The following RBL1 variants were observed in gnomAD, a reference collection of about 807,000 sequenced individuals.
RBL1 encodes RB transcriptional corepressor like 1, also known as retinoblastoma-like protein 1.
In RBL1, 82 loss-of-function variants were observed where a neutral mutation model predicts 123.0. That is an observed-to-expected ratio of 0.67 (90% CI 0.56 to 0.80). The LOEUF is 0.80. Ranked by LOEUF, RBL1 falls within the 30% of genes least tolerant of loss-of-function variation. The pLI is 0.00. For synonymous variants in RBL1, 405 were observed against 441.3 expected (o/e 0.92, Z 1.03); for missense variants, 1,171 against 1,299.6 (o/e 0.90, Z 1.52).
chr20:37,014,224 C>T (rs954365772), intron 19 of RBL1, among the ~76,000 whole-genome samples: 1 of 151,930 alleles, frequency 6.6e-6, no homozygotes, highest in Non-Finnish European at 1.5e-5. Flanking sequence ...ACTACAGAAG[C>T]CCACCACCAT....
intron 13 of RBL1, 70 bp downstream of exon 13, chr20:37,044,016 A>G: frequency 8.3e-7 from 1 of 1,201,162 alleles, no homozygotes; most frequent in Non-Finnish European, 1.2e-6. Flanking sequence ...TATAGGAATT[A>G]TCTCTCAATA....
At chr20:37,076,712 A>G (rs1422124645) in intron 2 of RBL1, among the ~76,000 whole-genome samples, 1 of 152,226 alleles carries the variant, frequency 6.6e-6, no homozygotes, top group African/African-American at 2.4e-5. Context: ...TACCTACAAT[A>G]TTCTGCACCT....
At chr20:37,094,974 C>A (rs2065706544) in intron 1 of RBL1, among the ~76,000 whole-genome samples, 1 of 152,182 alleles carries the variant, frequency 6.6e-6, no homozygotes, top group Non-Finnish European at 1.5e-5. Context: ...GGCAAGACAA[C>A]CTTCTGAGCC....
At chr20:37,036,089 A>C (rs1208177204) in intron 14 of RBL1, among the ~76,000 whole-genome samples, 1 of 152,106 alleles carries the variant, frequency 6.6e-6, no homozygotes, top group Non-Finnish European at 1.5e-5. Flanking sequence ...AAAATAAAGT[A>C]AGGATTATGG....
intron 14 of RBL1, among the ~76,000 whole-genome samples, chr20:37,036,697 C>T (rs1281057533): frequency 4.1e-5 from 6 of 146,532 alleles, no homozygotes; most frequent in African/African-American, 1.3e-4. Flanking sequence ...ATGATCTCAG[C>T]TCACTGCAAG....
chr20:37,075,648 G>T (rs1354155312), intron 2 of RBL1, among the ~76,000 whole-genome samples: 1 of 152,074 alleles, frequency 6.6e-6, no homozygotes, highest in Non-Finnish European at 1.5e-5. Context: ...TAGAGATGGG[G>T]TTTTGCCATG....
At chr20:37,003,496 T>C in intron 21 of RBL1, 1 of 1,034,000 alleles carries the variant, frequency 9.7e-7, no homozygotes, top group Non-Finnish European at 1.2e-6. Context: ...CAAAGTGAAC[T>C]CCACAAATAC....
rs1394327458 is a variant in RBL1, at chr20:37,010,133, G to A, written c.2723-2574C>T. Among the ~76,000 whole-genome samples, 3 of 151,968 alleles carry A rather than the reference G, an allele frequency of 2.0e-5. No individual in the cohort carries two copies. In the South Asian group the frequency reaches 6.2e-4, roughly 32 times the overall value. On this transcript the variant is annotated intron_variant, in intron 19 of 21. Coordinates refer to ENST00000373664, the MANE Select transcript of RBL1 (RefSeq NM_002895.5). ...AGCACTTTGGGAGGCTGAGGTGGGA[G>A]GATCACTTGAGCCCAAGAGTTCAAG...
intron 11 of RBL1, among the ~76,000 whole-genome samples, chr20:37,054,620 A>C (rs1451585352): frequency 6.6e-6 from 1 of 152,146 alleles, no homozygotes; most frequent in Admixed American, 6.6e-5. Flanking sequence ...ACTTGAGGTC[A>C]GGAGCTCGAG....
intron 12 of RBL1, among the ~76,000 whole-genome samples, chr20:37,044,772 C>A (rs897722044): frequency 6.6e-6 from 1 of 152,132 alleles, no homozygotes; most frequent in Non-Finnish European, 1.5e-5. Context: ...CTGTTTTTCA[C>A]GTTTTATATT....
At position 37,061,148 on chromosome 20, in the gene RBL1, G is replaced by C; in HGVS notation, c.1205C>G (p.Ala402Gly). The C allele has an allele frequency of 1.2e-6, 2 of 1,613,168 alleles. No individual in the cohort carries two copies. The highest frequency in any genetic ancestry group is 8.5e-7 in the Non-Finnish European group (1 of 1,179,472). The part of the protein sequence containing the change: ...QSVSRLQSIV[A>G]GLKNAPSDQL... ...GTCACTTGGTGCATTTTTCAGACCA[G>C]CCACAATACTCTGTAACCGGCTCAC... is the stretch of plus-strand genomic sequence containing the variant. The change falls in exon 9 of 22, where the codon GCT becomes GGT. Residue 402 changes from alanine to glycine, a missense_variant. Physicochemically the swap from Ala to Gly is moderately conservative, Grantham distance 60. Coordinates refer to ENST00000373664, the MANE Select transcript of RBL1 (RefSeq NM_002895.5).
intron 16 of RBL1, among the ~76,000 whole-genome samples, chr20:37,024,663 G>A (rs1188924609): frequency 1.3e-5 from 2 of 152,096 alleles, no homozygotes; most frequent in African/African-American, 4.8e-5. Flanking sequence ...CTATGAGCAG[G>A]TTATAATTAA....
chr20:37,081,047 T>TTACTTA (rs2065440834), intron 2 of RBL1, among the ~76,000 whole-genome samples: 1 of 152,160 alleles, frequency 6.6e-6, no homozygotes, highest in South Asian at 2.1e-4. Context: ...GTGACATCTT[T>TTACTTA]TACTTACTGC....
intron 9 of RBL1, among the ~76,000 whole-genome samples, chr20:37,056,472 A>G (rs2065009449): frequency 6.7e-6 from 1 of 150,122 alleles, no homozygotes; most frequent in Non-Finnish European, 1.5e-5. Context: ...CTCCTGTCTC[A>G]ACCTCCCAAG....
In RBL1 at chr20:36,998,841, G is replaced by A. The variant is rs771721236; in HGVS notation, c.3125C>T (p.Pro1042Leu). ...ATTTTCTTGACAGACGCGTTTGGCA[G>A]GGGATTCTGCATCACTATCGATGGC... ...VIAIDSDAES[P>L]AKRVCQENDD... is the part of the protein sequence containing the mutation. The change falls in exon 22 of 22, where the codon CCT becomes CTT. Residue 1042 changes from proline (P) to leucine (L), a missense_variant. Coordinates refer to ENST00000373664, the MANE Select transcript of RBL1 (RefSeq NM_002895.5). The A allele has an allele frequency of 8.1e-6, 13 of 1,613,336 alleles. No individual in the cohort carries two copies. Among genetic ancestry groups the A allele is most frequent in the Non-Finnish European group, 1.0e-5 (12 of 1,179,488 alleles).
At chr20:37,095,100 C>T (rs2065710703) in intron 1 of RBL1, among the ~76,000 whole-genome samples, 1 of 152,208 alleles carries the variant, frequency 6.6e-6, no homozygotes, top group South Asian at 2.1e-4. Context: ...TTATAACTGA[C>T]ATTTGTTTTA....
Position 36,998,588 on chromosome 20 carries a change from C to CT in RBL1, c.*170dup, listed in dbSNP as rs1257346680. On this transcript the variant is annotated 3_prime_UTR_variant, in exon 22 of 22. Transcript: ENST00000373664. ...TTCCAATCCAACTCAAAATACATCT[C>CT]TGTCAACTACATTTTGGATAAATAT... The CT allele has an allele frequency of 1.7e-6, 1 of 594,660 alleles. No individual in the cohort carries two copies. Among genetic ancestry groups the CT allele is most frequent in the Non-Finnish European group, 2.8e-6 (1 of 353,918 alleles). The allele number at this position is 594,660 out of a possible 1,614,324, so 36.8% of individuals were successfully genotyped here. A position where few individuals can be genotyped will look rare whatever the true frequency, so the allele number is the denominator to read the frequency against.
intron 14 of RBL1, among the ~76,000 whole-genome samples, chr20:37,038,301 CTT>C (rs890141235): frequency 4.0e-4 from 43 of 107,478 alleles, no homozygotes; most frequent in Admixed American, 9.8e-4. Flanking sequence ...CTTATGCAAT[CTT>C]TTTTTTTTTT....
intron 2 of RBL1, among the ~76,000 whole-genome samples, chr20:37,080,818 G>A (rs1251587250): frequency 6.6e-6 from 1 of 152,104 alleles, no homozygotes; most frequent in Non-Finnish European, 1.5e-5. Context: ...TTGCATAGGG[G>A]GCAATAAGAA....
Sources: gnomAD v4.1 joint callset for allele counts (sites outside exome capture counted in the v4.1 genomes callset) on GRCh38, gnomAD v4.1.1 for gene constraint, MANE v1.5 for transcripts, NCBI Gene and HGNC (gene_info 2026-07-23, HGNC 2026-07-21) for gene names.